KIAA1328: variants seen among roughly 807,000 people sequenced by gnomAD.
The protein encoded by KIAA1328 is KIAA1328, also known as protein hinderin.
In KIAA1328, 52 loss-of-function variants were observed where a neutral mutation model predicts 68.1. The observed-to-expected ratio is 0.76, with a 90% CI of 0.61 to 0.96. The LOEUF (loss-of-function observed/expected upper bound fraction) is 0.96. KIAA1328 is among the 40% of genes least tolerant of loss of function. The pLI, the probability that KIAA1328 is intolerant of heterozygous loss-of-function variation, is 0.00. For missense variants in KIAA1328, 641 were observed against 677.6 expected, an observed-to-expected ratio of 0.95 and a Z score of 0.60; for synonymous variants, 232 against 239.4, an observed-to-expected ratio of 0.97 and a Z score of 0.28.
At chr18:37,076,455 C>G (rs919978908) in intron 7 of KIAA1328, among the ~76,000 whole-genome samples, 1 of 151,670 alleles carries the variant, frequency 6.6e-6, no homozygotes, top group Non-Finnish European at 1.5e-5. Context: ...CATTCAAAAG[C>G]TAGCAGAAGA....
chr18:37,159,664 CTTG>C (rs1280112846), intron 7 of KIAA1328, among the ~76,000 whole-genome samples: 8 of 152,108 alleles, frequency 5.3e-5, no homozygotes, highest in African/African-American at 1.9e-4. Context: ...CTATATTTGT[CTTG>C]TTGACCTTTT....
intron 5 of KIAA1328, chr18:36,924,828 A>T (rs904016742): frequency 1.3e-5 from 2 of 152,208 alleles, no homozygotes; most frequent in African/African-American, 4.8e-5. Flanking sequence ...AAAGAACCCA[A>T]AGAAGATAAC....
chr18:37,204,532 G>T (rs2060179227), intron 9 of KIAA1328, among the ~76,000 whole-genome samples: 1 of 152,126 alleles, frequency 6.6e-6, no homozygotes, highest in African/African-American at 2.4e-5. Context: ...AGTTTAAAAG[G>T]ATAGTTGGAT....
At chr18:37,046,500 C>G (rs563497136) in intron 6 of KIAA1328, among the ~76,000 whole-genome samples, 2 of 152,230 alleles carry the variant, frequency 1.3e-5, no homozygotes, top group African/African-American at 4.8e-5. Flanking sequence ...ACTAGCACTT[C>G]TTTTACATTT....
chr18:36,851,371 G>A (rs1019800001), intron 4 of KIAA1328, among the ~76,000 whole-genome samples: 8 of 151,998 alleles, frequency 5.3e-5, no homozygotes, highest in African/African-American at 1.5e-4. Context: ...GGAAGTGTTC[G>A]AGATGGATTG....
At chr18:36,842,637 A>AT (rs1218434197) in intron 3 of KIAA1328, among the ~76,000 whole-genome samples, 1 of 150,318 alleles carries the variant, frequency 6.7e-6, no homozygotes, top group Non-Finnish European at 1.5e-5. Flanking sequence ...GCCTTTTCAG[A>AT]TTTTTGCTGT....
chr18:37,022,775 C>A (rs1254988852), intron 6 of KIAA1328, among the ~76,000 whole-genome samples: 1 of 152,078 alleles, frequency 6.6e-6, no homozygotes, highest in Non-Finnish European at 1.5e-5. Flanking sequence ...TCTTCTACTG[C>A]GGTTTTGCTC....
intron 1 of KIAA1328, among the ~76,000 whole-genome samples, chr18:36,830,477 A>G (rs904601130): frequency 1.3e-5 from 2 of 152,228 alleles, no homozygotes; most frequent in Non-Finnish European, 1.5e-5. Context: ...TTTTCTCAAG[A>G]AACACTGCTT....
intron 8 of KIAA1328, among the ~76,000 whole-genome samples, chr18:37,166,339 A>G (rs2059388594): frequency 1.3e-5 from 2 of 152,236 alleles, no homozygotes; most frequent in Middle Eastern, 6.8e-3. Context: ...GCTTTTCCCA[A>G]CCCGCAGCCC....
intron 6 of KIAA1328, among the ~76,000 whole-genome samples, chr18:37,029,020 T>C (rs2054711449): frequency 6.6e-6 from 1 of 152,152 alleles, no homozygotes; most frequent in African/African-American, 2.4e-5. Flanking sequence ...GTCAGAATTA[T>C]ATTAGCCTTA....
intron 7 of KIAA1328, among the ~76,000 whole-genome samples, chr18:37,091,304 G>C (rs887257680): frequency 6.6e-6 from 1 of 152,146 alleles, no homozygotes; most frequent in African/African-American, 2.4e-5. Context: ...GGAGAGAGAA[G>C]CAAAGCAACC....
Position 37,063,083 on chromosome 18 carries a change from A to G in KIAA1328, c.577-3807A>G, listed in dbSNP as rs187816951. Among the ~76,000 whole-genome samples, 423 of 151,828 alleles carry G rather than the reference A, an allele frequency of 2.8e-3. 3 individuals carry two copies. Among genetic ancestry groups the G allele is most frequent in the African/African-American group, 9.8e-3 (405 of 41,384 alleles). On this transcript the variant is annotated intron_variant, in intron 6 of 9. Transcript: ENST00000280020. ...TTAAGTTCTAGGGTACATGTGCACA[A>G]CGTGCAGGTTTGTTACATATGTATA... is the stretch of plus-strand genomic sequence containing the variant.
intron 4 of KIAA1328, among the ~76,000 whole-genome samples, chr18:36,878,359 G>A (rs1278444024): frequency 1.3e-5 from 2 of 152,162 alleles, no homozygotes; most frequent in Admixed American, 6.5e-5. Flanking sequence ...CCTCTGGCTT[G>A]TAGGGTTTCT....
intron 7 of KIAA1328, among the ~76,000 whole-genome samples, chr18:37,139,572 A>G (rs2154207913): frequency 6.6e-6 from 1 of 152,304 alleles, no homozygotes; most frequent in South Asian, 2.1e-4. Context: ...ACATCAGTAG[A>G]TCTGTAATAT....
intron 4 of KIAA1328, among the ~76,000 whole-genome samples, chr18:36,856,232 G>C (rs1304578647): frequency 2.0e-5 from 3 of 151,844 alleles, no homozygotes; most frequent in African/African-American, 7.3e-5. Context: ...TCTAATTTGG[G>C]AAGTTTTTTG....
chr18:37,187,706 GT>G (rs1048142915), intron 9 of KIAA1328, among the ~76,000 whole-genome samples: 19 of 151,988 alleles, frequency 1.3e-4, no homozygotes, highest in African/African-American at 2.7e-4. Context: ...GTACCTCAGG[GT>G]TTTTTCCCCC....
chr18:37,189,160 T>A (rs2059858244), intron 9 of KIAA1328, among the ~76,000 whole-genome samples: 1 of 152,194 alleles, frequency 6.6e-6, no homozygotes, highest in African/African-American at 2.4e-5. Flanking sequence ...TTACTAGGAC[T>A]GTTTCATTAG....
chr18:37,082,632 C>T (rs1034683424), intron 7 of KIAA1328, among the ~76,000 whole-genome samples: 6 of 152,100 alleles, frequency 3.9e-5, no homozygotes, highest in Non-Finnish European at 8.8e-5. Flanking sequence ...AATCTTGGGA[C>T]GAGCTTGTCA....
At chr18:37,189,358 C>A (rs1465017540) in intron 9 of KIAA1328, among the ~76,000 whole-genome samples, 1 of 151,916 alleles carries the variant, frequency 6.6e-6, no homozygotes, top group African/African-American at 2.4e-5. Flanking sequence ...AAAGTCAGAC[C>A]TTATTATTTA....
Sources: gnomAD v4.1 joint callset for allele counts (sites outside exome capture counted in the v4.1 genomes callset) on GRCh38, gnomAD v4.1.1 for gene constraint, MANE v1.5 for transcripts, NCBI Gene and HGNC (gene_info 2026-07-23, HGNC 2026-07-21) for gene names.